The following FAF2 variants were observed in gnomAD, a reference collection of about 807,000 sequenced individuals.
The protein encoded by FAF2 is FAS-associated factor 2.
FAF2 carries 9 observed loss-of-function variants against 62.3 expected under a neutral mutation model. That is an observed-to-expected ratio of 0.14 (90% confidence interval 0.09 to 0.25). The LOEUF (loss-of-function observed/expected upper bound fraction) is 0.25, where lower values mean the gene tolerates loss of function less well. Ranked by LOEUF, FAF2 falls within the 10% of genes least tolerant of loss-of-function variation. The probability of loss-of-function intolerance (pLI) is 1.00; values close to 1 mark genes in which losing one functional copy is unlikely to be tolerated. For missense variants in FAF2, 368 were observed against 556.2 expected (o/e 0.66, Z 3.40); for synonymous variants, 202 against 198.0 (o/e 1.02, Z -0.17).
At chr5:176,500,167 G>A in intron 10 of FAF2, 21 bp downstream of exon 10, 2 of 1,612,730 alleles carry the variant, frequency 1.2e-6, no homozygotes, top group Non-Finnish European at 1.7e-6. Flanking sequence ...CCTAAGTTCT[G>A]TGAAGTGTAT....
At chr5:176,490,251 C>T (rs893030436) in intron 4 of FAF2, among the ~76,000 whole-genome samples, 5 of 150,010 alleles carry the variant, frequency 3.3e-5, no homozygotes, top group African/African-American at 1.2e-4. Context: ...GCGGAGCTTG[C>T]AGTGAGCCTA....
intron 1 of FAF2, among the ~76,000 whole-genome samples, chr5:176,454,576 T>TG (rs1397593911): frequency 1.0e-3 from 42 of 41,696 alleles, no homozygotes; most frequent in Non-Finnish European, 1.5e-3. Context: ...AGATTCTGTC[T>TG]GAAAAAAAAA....
At chr5:176,460,082 C>T (rs1054857797) in intron 1 of FAF2, among the ~76,000 whole-genome samples, 1 of 152,058 alleles carries the variant, frequency 6.6e-6, no homozygotes, top group African/African-American at 2.4e-5. Context: ...TTTATGAGTG[C>T]GTGGTATTCT....
Position 176,486,360 on chromosome 5 carries a change from T to C in FAF2, c.138T>C (p.Ala46=), listed in dbSNP as rs374523039. 19 of 1,612,108 alleles carry C rather than the reference T, an allele frequency of 1.2e-5. No individual in the cohort carries two copies. In the African/African-American group the frequency reaches 2.1e-4, roughly 18 times the overall value. Residue 46 remains alanine, a synonymous_variant, in exon 3 of 11, where the codon GCT becomes GCC. Coordinates refer to ENST00000261942, the MANE Select transcript of FAF2 (RefSeq NM_014613.3). ...CACTCCGTTTTCCTTCTCAGGCTGC[T>C]GTACAGGACAGATTGAATGAGCAAG... ...LEQHNWNIEA[A]VQDRLNEQEG... is the part of the protein sequence containing the mutation.
intron 10 of FAF2, among the ~76,000 whole-genome samples, chr5:176,502,969 AC>A (rs1423300984): frequency 6.7e-6 from 1 of 149,382 alleles, no homozygotes; most frequent in Non-Finnish European, 1.5e-5. Flanking sequence ...AATTGCTTGA[AC>A]CCGGGAGGCA....
intron 2 of FAF2, among the ~76,000 whole-genome samples, chr5:176,485,993 G>T (rs3888233): frequency 1.3e-5 from 2 of 152,106 alleles, no homozygotes; most frequent in South Asian, 4.2e-4. Flanking sequence ...TAACTCCAGG[G>T]GTACTGCCTA....
chr5:176,497,722 G>A (rs182917818), intron 8 of FAF2, among the ~76,000 whole-genome samples: 1 of 152,166 alleles, frequency 6.6e-6, no homozygotes, highest in Non-Finnish European at 1.5e-5. Flanking sequence ...CAGTTTCTGG[G>A]TGAGACAATC....
intron 1 of FAF2, among the ~76,000 whole-genome samples, chr5:176,452,893 G>A (rs1447517703): frequency 2.0e-5 from 3 of 152,196 alleles, no homozygotes; most frequent in Non-Finnish European, 4.4e-5. Context: ...AATCTCCACA[G>A]GGGTCAGTAC....
chr5:176,501,615 C>T, intron 10 of FAF2, among the ~76,000 whole-genome samples: 1 of 152,156 alleles, frequency 6.6e-6, no homozygotes, highest in East Asian at 1.9e-4. Context: ...GCTTATTGGC[C>T]AGTACAGAAT....
intron 10 of FAF2, among the ~76,000 whole-genome samples, chr5:176,503,034 C>T (rs1755621315): frequency 6.7e-6 from 1 of 149,698 alleles, no homozygotes; most frequent in Admixed American, 6.7e-5. Context: ...GGCGACAGAG[C>T]GAGGCTGTGT....
intron 1 of FAF2, among the ~76,000 whole-genome samples, chr5:176,463,254 A>T (rs1228520755): frequency 6.6e-6 from 1 of 151,904 alleles, no homozygotes; most frequent in Non-Finnish European, 1.5e-5. Context: ...AAAATTAGCC[A>T]GGCATGGTGG....
At chr5:176,496,834 A>C in intron 8 of FAF2, 171 bp downstream of exon 8, 2 of 451,126 alleles carry the variant, frequency 4.4e-6, no homozygotes, top group Non-Finnish European at 3.8e-6. Flanking sequence ...ATTACTCTAT[A>C]TCAGGTAATC....
At chr5:176,463,849 C>T (rs1238511696) in intron 1 of FAF2, among the ~76,000 whole-genome samples, 1 of 151,750 alleles carries the variant, frequency 6.6e-6, no homozygotes, top group East Asian at 1.9e-4. Context: ...TCTGCCTCAG[C>T]CTCCTGTGTA....
intron 10 of FAF2, among the ~76,000 whole-genome samples, chr5:176,505,013 AC>A (rs11338682): frequency 0.1 from 15,564 of 149,172 alleles, 1,057 homozygotes; most frequent in East Asian, 0.28. Context: ...ACAGAGCAAG[AC>A]CTGTCTGGGA....
intron 1 of FAF2, among the ~76,000 whole-genome samples, chr5:176,468,785 CA>C (rs796986844): frequency 0.028 from 3,726 of 131,252 alleles, 137 homozygotes; most frequent in African/African-American, 0.09. Flanking sequence ...CCCAAAAAAA[CA>C]AAAAAAAAAA....
At chr5:176,502,782 G>A (rs1443085291) in intron 10 of FAF2, among the ~76,000 whole-genome samples, 1 of 152,132 alleles carries the variant, frequency 6.6e-6, no homozygotes, top group Non-Finnish European at 1.5e-5. Flanking sequence ...GGGCGTGGTG[G>A]CTCATGCCTG....
At chr5:176,465,715 CT>C (rs1465355017) in intron 1 of FAF2, among the ~76,000 whole-genome samples, 2 of 152,080 alleles carry the variant, frequency 1.3e-5, no homozygotes, top group African/African-American at 2.4e-5. Flanking sequence ...GCTATTTTAG[CT>C]GGGCACAGTG....
At chr5:176,454,342 G>A (rs1255162583) in intron 1 of FAF2, among the ~76,000 whole-genome samples, 3 of 151,662 alleles carry the variant, frequency 2.0e-5, no homozygotes, top group East Asian at 1.9e-4. Flanking sequence ...GCAGTGAGCC[G>A]AGATCGTGCC....
chr5:176,493,978 G>A (rs377074301), intron 5 of FAF2, 21 bp from the exon 6 acceptor site: 4 of 1,576,200 alleles, frequency 2.5e-6, no homozygotes, highest in Non-Finnish European at 3.5e-6. Flanking sequence ...TTAATAGTGA[G>A]TGACCTTCTC....
Sources: gnomAD v4.1 joint callset for allele counts (sites outside exome capture counted in the v4.1 genomes callset) on GRCh38, gnomAD v4.1.1 for gene constraint, MANE v1.5 for transcripts, NCBI Gene and HGNC (gene_info 2026-07-23, HGNC 2026-07-21) for gene names.